The following APOOL variants were observed in gnomAD, a reference collection of about 807,000 sequenced individuals.
The protein encoded by APOOL is MICOS complex subunit MIC27.
In APOOL, 12 loss-of-function variants were observed where a neutral mutation model predicts 23.1. The observed-to-expected ratio is 0.52, with a 90% CI of 0.33 to 0.84. APOOL has a LOEUF of 0.84. APOOL is among the 40% of genes least tolerant of loss of function. The pLI is 0.02. For synonymous variants in APOOL, 77 were observed against 69.9 expected, an observed-to-expected ratio of 1.10 and a Z score of -0.51; for missense variants, 212 against 199.6, an observed-to-expected ratio of 1.06 and a Z score of -0.37.
chrX:85,041,827 G>C lies in APOOL; in HGVS notation c.16-4619G>C, dbSNP rs1304048184. Among the ~76,000 whole-genome samples the C allele has an allele frequency of 2.7e-5, 3 of 110,621 alleles. No individual in the cohort carries two copies. The Admixed American group carries it at 2.9e-4, about 11-fold the overall frequency. ...ACTTACCATTTCCCTGTGGTGAGGAGCCCCCCCTTGTCTTCCTGCCAGTCC... is the reference window on the plus strand; with the variant it reads ...ACTTACCATTTCCCTGTGGTGAGGACCCCCCCCTTGTCTTCCTGCCAGTCC... On this transcript the variant is annotated intron_variant, in intron 1 of 8. Transcript: ENST00000373173.
At chrX:85,071,188 A>G (rs1296517787) in intron 6 of APOOL, among the ~76,000 whole-genome samples, 1 of 111,087 alleles carries the variant, frequency 9.0e-6, no homozygotes, top group Admixed American at 9.7e-5. Flanking sequence ...TACGGCGAGT[A>G]TTTCAAAGTC....
intron 1 of APOOL, among the ~76,000 whole-genome samples, chrX:85,027,261 C>T (rs781137635): frequency 2.7e-5 from 3 of 111,095 alleles, no homozygotes; most frequent in African/African-American, 6.5e-5. Flanking sequence ...CAAGATTTCA[C>T]GAACTCACTG....
intron 6 of APOOL, among the ~76,000 whole-genome samples, chrX:85,073,201 T>C (rs943108586): frequency 1.8e-5 from 2 of 111,439 alleles, no homozygotes; most frequent in African/African-American, 6.5e-5. Flanking sequence ...GATGGAAACA[T>C]AATTTTTAAA....
rs138313587 is a variant in APOOL at position 85,013,390 on chromosome X, C to T, written c.15+9463C>T. ...TAGGTTTAGTTTGACCTTGTTTCTC[C>T]AGTTCCTAGAGGTGTGATATTTGAT... On this transcript the variant is annotated intron_variant, in intron 1 of 8. Transcript: ENST00000373173. Among the ~76,000 whole-genome samples the T allele has an allele frequency of 5.5e-3, 606 of 111,064 alleles. 1 individual carries two copies. Among genetic ancestry groups the T allele is most frequent in the Non-Finnish European group, 8.4e-3 (445 of 52,785 alleles).
At chrX:85,073,460 TA>T (rs1269821859) in intron 6 of APOOL, among the ~76,000 whole-genome samples, 1 of 111,464 alleles carries the variant, frequency 9.0e-6, no homozygotes, top group Non-Finnish European at 1.9e-5. Flanking sequence ...TTGTTTATTT[TA>T]CCTTTCTACC....
intron 1 of APOOL, among the ~76,000 whole-genome samples, chrX:85,014,749 GA>G (rs760064200): frequency 1.8e-5 from 2 of 108,655 alleles, no homozygotes; most frequent in Admixed American, 2.0e-4. Flanking sequence ...CAGCTCTTAA[GA>G]TTCTTTCCTT....
chrX:85,086,946 G>A (rs1047330896), intron 8 of APOOL, among the ~76,000 whole-genome samples: 2 of 110,073 alleles, frequency 1.8e-5, no homozygotes, highest in African/African-American at 3.3e-5. Flanking sequence ...TGATCCGCCC[G>A]TCTCGGCCTC....
intron 2 of APOOL, 37 bp downstream of exon 2, chrX:85,046,587 T>A (rs1222023308): frequency 9.6e-7 from 1 of 1,046,769 alleles, no homozygotes; most frequent in Non-Finnish European, 1.3e-6. Context: ...CTTTGTATAA[T>A]ATCAAGATGA....
chrX:85,063,399 T>C (rs1040090244), intron 5 of APOOL, among the ~76,000 whole-genome samples: 6 of 111,531 alleles, frequency 5.4e-5, no homozygotes, highest in African/African-American at 2.0e-4. Context: ...TCCAATACTA[T>C]GTTTAATAAG....
intron 1 of APOOL, among the ~76,000 whole-genome samples, chrX:85,029,477 C>T (rs184395083): frequency 2.6e-4 from 29 of 111,231 alleles, no homozygotes; most frequent in Non-Finnish European, 4.9e-4. Flanking sequence ...TAGAAGAATT[C>T]TTTTTTTTCC....
At chrX:85,074,253 A>G in intron 7 of APOOL, 21 bp from the exon 8 acceptor site, 1 of 1,209,068 alleles carries the variant, frequency 8.3e-7, no homozygotes. Flanking sequence ...CTTATGAAGG[A>G]AAAATCTGTT....
At chrX:85,038,524 G>GTTTTTTTT (rs56248244) in intron 1 of APOOL, among the ~76,000 whole-genome samples, 6 of 43,432 alleles carry the variant, frequency 1.4e-4, no homozygotes, top group African/African-American at 5.4e-4. Context: ...TCTGGTACAA[G>GTTTTTTTT]TTTTTTTTTT....
At chrX:85,018,076 T>C (rs1178741798) in intron 1 of APOOL, among the ~76,000 whole-genome samples, 1 of 112,481 alleles carries the variant, frequency 8.9e-6, no homozygotes, top group Non-Finnish European at 1.9e-5. Context: ...CATGAATGAG[T>C]CTTTTAATGT....
At chrX:85,079,659 G>A (rs1924008554) in intron 8 of APOOL, among the ~76,000 whole-genome samples, 1 of 111,707 alleles carries the variant, frequency 9.0e-6, no homozygotes, top group Non-Finnish European at 1.9e-5. Flanking sequence ...AGTTTCAGAA[G>A]GAATGGTACC....
chrX:85,031,158 T>C lies in APOOL; in HGVS notation c.16-15288T>C, dbSNP rs180807519. 4.4e-4 allele frequency among the ~76,000 whole-genome samples: 49 copies of C among 111,889 alleles called. No individual in the cohort carries two copies. In the East Asian group the frequency reaches 0.013, roughly 30 times the overall value. Reference sequence around the variant, plus strand: ...GTTGAGCTAAGATAGTTAATAACTTTCATTAGATTTTCAAAAAGTTAAGAT... The same window carrying C: ...GTTGAGCTAAGATAGTTAATAACTTCCATTAGATTTTCAAAAAGTTAAGAT... On this transcript the variant is annotated intron_variant, in intron 1 of 8. Transcript: ENST00000373173.
At chrX:85,073,097 G>A (rs758206269) in intron 6 of APOOL, among the ~76,000 whole-genome samples, 1 of 111,271 alleles carries the variant, frequency 9.0e-6, no homozygotes, top group South Asian at 3.7e-4. Context: ...TTATATTTGG[G>A]GAGGAAGAGG....
chrX:85,060,678 T>C (rs1446077926), intron 5 of APOOL, among the ~76,000 whole-genome samples: 1 of 110,760 alleles, frequency 9.0e-6, no homozygotes, highest in Non-Finnish European at 1.9e-5. Flanking sequence ...TGGCTCTCTG[T>C]TTGTCTGTTA....
chrX:85,034,176 A>AT (rs1348637484), intron 1 of APOOL, among the ~76,000 whole-genome samples: 1 of 106,753 alleles, frequency 9.4e-6, no homozygotes, highest in East Asian at 2.9e-4. Flanking sequence ...TATTTTCTAA[A>AT]TAAAAAAAAA....
intron 8 of APOOL, among the ~76,000 whole-genome samples, chrX:85,081,174 T>C (rs1413767884): frequency 8.9e-6 from 1 of 111,965 alleles, no homozygotes; most frequent in Non-Finnish European, 1.9e-5. Context: ...GTTGATGCAG[T>C]TTTTTCCTAG....
Sources: gnomAD v4.1 joint callset for allele counts (sites outside exome capture counted in the v4.1 genomes callset) on GRCh38, gnomAD v4.1.1 for gene constraint, MANE v1.5 for transcripts, NCBI Gene and HGNC (gene_info 2026-07-23, HGNC 2026-07-21) for gene names.